Variants in SCML2 observed in about 807,000 individuals in gnomAD.
The protein encoded by SCML2 is sex comb on midleg-like protein 2.
In SCML2, 6 loss-of-function variants were observed where a neutral mutation model predicts 48.4. The observed-to-expected ratio is 0.12, with a 90% CI of 0.07 to 0.24. The LOEUF (loss-of-function observed/expected upper bound fraction) is 0.24, where lower values mean the gene tolerates loss of function less well. Among genes scored for constraint, SCML2 ranks in the 10% least tolerant of loss-of-function variants. The probability of loss-of-function intolerance (pLI) is 1.00; values close to 1 mark genes in which losing one functional copy is unlikely to be tolerated. For missense variants in SCML2, 377 were observed against 528.2 expected (o/e 0.71, Z 2.81); for synonymous variants, 181 against 189.5 (o/e 0.95, Z 0.37).
intron 7 of SCML2, among the ~76,000 whole-genome samples, chrX:18,268,472 T>C (rs1244789877): frequency 9.2e-6 from 1 of 108,117 alleles, no homozygotes; most frequent in African/African-American, 3.4e-5. Flanking sequence ...GAGGTTGCAA[T>C]GAGCCGAGAA....
chrX:18,246,909 T>C, intron 12 of SCML2, 81 bp from the exon 13 acceptor site: 1 of 974,834 alleles, frequency 1.0e-6, no homozygotes, highest in Admixed American at 2.9e-5. Flanking sequence ...ATCTCATCCC[T>C]AGCAATAGTT....
intron 5 of SCML2, among the ~76,000 whole-genome samples, 153 bp downstream of exon 5, chrX:18,323,706 A>G (rs1204550800): frequency 8.9e-6 from 1 of 111,759 alleles, no homozygotes; most frequent in Middle Eastern, 4.6e-3. Flanking sequence ...GATGGTGCTG[A>G]TTTCCTCTCT....
intron 14 of SCML2, 22 bp from the exon 15 acceptor site, chrX:18,241,401 A>G (rs764586465): frequency 1.1e-5 from 12 of 1,090,695 alleles, no homozygotes; most frequent in Non-Finnish European, 1.3e-5. Flanking sequence ...AGGAAATCAT[A>G]ATCATTAATA....
In SCML2 at chrX:18,265,684, T is replaced by A. The variant is rs748462337; in HGVS notation, c.849A>T (p.Ser283=). 8.3e-7 allele frequency: 1 copy of A among 1,210,252 alleles called. No individual in the cohort carries two copies. The highest frequency in any genetic ancestry group is 1.1e-6 in the Non-Finnish European group (1 of 894,088). ...LILPTQQVRR[S]SRIKPPGPTA... ...TAGGTCCAGGTGGTTTAATTCGACT[T>A]GATCTCCTGACCTGCTGTGTTGGTA... The change falls in exon 8 of 15, where the codon TCA becomes TCT. Residue 283 remains serine (S), a synonymous_variant. Transcript: ENST00000251900.
chrX:18,255,354 G>C (rs1405712432), intron 11 of SCML2, among the ~76,000 whole-genome samples: 1 of 112,269 alleles, frequency 8.9e-6, no homozygotes, highest in African/African-American at 3.2e-5. Context: ...AGCAGGAACT[G>C]AATTAAAATG....
chrX:18,334,119 T>C, intron 1 of SCML2, 24 bp from the exon 2 acceptor site: 1 of 1,058,697 alleles, frequency 9.4e-7, no homozygotes, highest in Non-Finnish European at 1.3e-6. Flanking sequence ...AACCAATTAA[T>C]GCCTCCTTTT....
intron 7 of SCML2, among the ~76,000 whole-genome samples, chrX:18,286,314 T>C (rs1257674673): frequency 8.9e-6 from 1 of 112,129 alleles, no homozygotes; most frequent in Non-Finnish European, 1.9e-5. Flanking sequence ...ATATTCTATT[T>C]AGATAAACAG....
At chrX:18,332,492 G>A (rs1929687701) in intron 2 of SCML2, among the ~76,000 whole-genome samples, 1 of 112,296 alleles carries the variant, frequency 8.9e-6, no homozygotes, top group African/African-American at 3.2e-5. Flanking sequence ...GTGAACACTT[G>A]AGAGGGATAT....
At chrX:18,344,578 A>G (rs749009088) in intron 1 of SCML2, among the ~76,000 whole-genome samples, 64 of 111,676 alleles carry the variant, frequency 5.7e-4, no homozygotes, top group African/African-American at 2.0e-3. Flanking sequence ...GGTTTCTCCC[A>G]CACTGTTCTC....
upstream of SCML2, among the ~76,000 whole-genome samples, chrX:18,354,997 C>G (rs1409971516): frequency 9.0e-6 from 1 of 111,491 alleles, no homozygotes; most frequent in Non-Finnish European, 1.9e-5. Context: ...AGTTCCATCC[C>G]GGGAACTCGC....
chrX:18,349,851 C>A (rs1930317541), intron 1 of SCML2, among the ~76,000 whole-genome samples: 1 of 112,083 alleles, frequency 8.9e-6, no homozygotes, highest in African/African-American at 3.2e-5. Context: ...GCCAAGGTAA[C>A]CCTAGAAATA....
chrX:18,256,345 G>A (rs1445542516), intron 11 of SCML2, among the ~76,000 whole-genome samples: 2 of 111,104 alleles, frequency 1.8e-5, no homozygotes, highest in Non-Finnish European at 3.8e-5. Flanking sequence ...CCAGCTACTC[G>A]GGAGGCTGAG....
chrX:18,348,934 C>G (rs1377900879), intron 1 of SCML2, among the ~76,000 whole-genome samples: 1 of 110,360 alleles, frequency 9.1e-6, no homozygotes, highest in Non-Finnish European at 1.9e-5. Context: ...AAATGTTAAC[C>G]AAAAAAAACA....
In SCML2 at chrX:18,324,211, G is replaced by A. The variant is rs969282666; in HGVS notation, c.163-118C>T. ...AAATAACAGTCACAGTGGATGATGA[G>A]TGAGGTCAGAGCTGTAAGAGTCAAG... On this transcript the variant is annotated intron_variant, in intron 4 of 14. Coordinates refer to ENST00000251900, the MANE Select transcript of SCML2 (RefSeq NM_006089.3). The A allele has an allele frequency of 6.2e-6, 3 of 485,363 alleles. No individual in the cohort carries two copies. In the Admixed American group the frequency reaches 1.0e-4, roughly 17 times the overall value. The allele number at this position is 485,363 out of a possible 1,213,427, so 40.0% of individuals were successfully genotyped here.
In SCML2 at chrX:18,265,637, C is replaced by A. The variant is rs1229750342; in HGVS notation, c.896G>T (p.Ser299Ile). Residue 299 changes from serine (S) to isoleucine (I), a missense_variant, in exon 8 of 15, where the codon AGT (serine) becomes ATT (isoleucine). Physicochemically the swap from Ser to Ile is moderately radical, Grantham distance 142. Around this residue, in one of 3 missense-constraint regions of SCML2, gnomAD observed 299 missense variants for 425.5 expected, o/e 0.70. Transcript: ENST00000251900. ...PGPTAVPKRS[S>I]SVKNITPRKK... ...CCTTGGTGTGATATTTTTAACAGAACTGCTCCTTTTGGGGACTGCAGTAGG... is the reference window on the plus strand; with the variant it reads ...CCTTGGTGTGATATTTTTAACAGAAATGCTCCTTTTGGGGACTGCAGTAGG... 2 of 1,211,426 alleles carry A rather than the reference C, an allele frequency of 1.7e-6. No individual in the cohort carries two copies. The highest frequency in any genetic ancestry group is 5.9e-5 in the East Asian group (2 of 33,826).
At chrX:18,281,509 C>T (rs976640746) in intron 7 of SCML2, among the ~76,000 whole-genome samples, 5 of 110,531 alleles carry the variant, frequency 4.5e-5, no homozygotes, top group Admixed American at 2.9e-4. Context: ...GTCAGGAGGT[C>T]GAGACCAGCC....
chrX:18,313,489 C>T (rs985813065), intron 6 of SCML2, among the ~76,000 whole-genome samples: 1 of 111,600 alleles, frequency 9.0e-6, no homozygotes, highest in Admixed American at 9.6e-5. Context: ...TCCAATTAAA[C>T]TTTTTTCTCC....
chrX:18,277,195 C>T, intron 7 of SCML2, among the ~76,000 whole-genome samples: 1 of 111,312 alleles, frequency 9.0e-6, no homozygotes, highest in South Asian at 3.8e-4. Flanking sequence ...TTCAGCCTCT[C>T]AAGTAGCTGG....
chrX:18,344,179 T>A (rs893017031), intron 1 of SCML2, among the ~76,000 whole-genome samples: 1 of 108,993 alleles, frequency 9.2e-6, no homozygotes, highest in Non-Finnish European at 1.9e-5. Flanking sequence ...AAAAAAAAAA[T>A]AATAAAATAA....
Sources: gnomAD v4.1 joint callset for allele counts (sites outside exome capture counted in the v4.1 genomes callset) on GRCh38, gnomAD v4.1.1 for gene constraint, gnomAD v4.1.1 regional missense constraint, MANE v1.5 for transcripts, NCBI Gene and HGNC (gene_info 2026-07-23, HGNC 2026-07-21) for gene names.